The following GALNT18 variants were observed in gnomAD, a reference collection of about 807,000 sequenced individuals.
GALNT18 encodes the protein GalNAc-transferase 18.
A neutral mutation model predicts 69.5 loss-of-function variants in GALNT18; 44 were observed. The observed-to-expected ratio is 0.63, with a 90% CI of 0.50 to 0.81. The LOEUF is 0.81. GALNT18 is among the 40% of genes least tolerant of loss of function. The pLI is 0.00. For missense variants in GALNT18, 715 were observed against 810.0 expected, an observed-to-expected ratio of 0.88 and a Z score of 1.42; for synonymous variants, 364 against 318.2, an observed-to-expected ratio of 1.14 and a Z score of -1.53.
In GALNT18 at chr11:11,332,921, C is replaced by G. The variant is rs1035061669; in HGVS notation, c.1279-90G>C. 1 of 1,449,840 alleles carries G rather than the reference C, an allele frequency of 6.9e-7. No homozygotes were observed. The highest frequency in any genetic ancestry group is 1.7e-5 in the Admixed American group (1 of 58,626). The allele number at this position is 1,449,840 out of a possible 1,614,324, so 89.8% of individuals were successfully genotyped here. ...CTTTGGCATGACCTTGTGCCCCCAA[C>G]AAGATTCCTAGAGACTGGGGAAGGG... On this transcript the variant is annotated intron_variant, in intron 7 of 10. Coordinates refer to ENST00000227756, the MANE Select transcript of GALNT18 (RefSeq NM_198516.3). The surrounding 1 kb of genome is among the most constrained non-coding windows in gnomAD (Gnocchi z 4.3).
chr11:11,518,260 C>A lies in GALNT18; in HGVS notation c.236-69324G>T, dbSNP rs559191804. ...TACAGACACAAACTGCATTTCATGGCTGAAAAAGCCAGTGATGGGATAAGT... is the reference window on the plus strand; with the variant it reads ...TACAGACACAAACTGCATTTCATGGATGAAAAAGCCAGTGATGGGATAAGT... On this transcript the variant is annotated intron_variant, in intron 1 of 10. Coordinates refer to ENST00000227756, the MANE Select transcript of GALNT18 (RefSeq NM_198516.3). Among the ~76,000 whole-genome samples, 3 of 152,308 alleles carry A rather than the reference C, an allele frequency of 2.0e-5. No homozygotes were observed. In the South Asian group the frequency reaches 6.2e-4, roughly 32 times the overall value.
At chr11:11,580,865 A>C (rs1859062642) in intron 1 of GALNT18, among the ~76,000 whole-genome samples, 1 of 152,214 alleles carries the variant, frequency 6.6e-6, no homozygotes, top group Non-Finnish European at 1.5e-5. Context: ...ATCCAGGGTT[A>C]TTTCTAACCT....
At chr11:11,487,337 C>G (rs1175596002) in intron 1 of GALNT18, among the ~76,000 whole-genome samples, 1 of 152,092 alleles carries the variant, frequency 6.6e-6, no homozygotes, top group Non-Finnish European at 1.5e-5. Flanking sequence ...ATGGGTGCAC[C>G]AAAACCTCGC....
At chr11:11,589,473 A>T (rs144532013) in intron 1 of GALNT18, among the ~76,000 whole-genome samples, 53 of 152,338 alleles carry the variant, frequency 3.5e-4, no homozygotes, top group African/African-American at 1.2e-3. Flanking sequence ...AATATGAATC[A>T]AAAGGAAAAC....
intron 6 of GALNT18, among the ~76,000 whole-genome samples, chr11:11,370,244 A>C (rs1850868036): frequency 6.6e-6 from 1 of 152,240 alleles, no homozygotes; most frequent in Admixed American, 6.5e-5. Flanking sequence ...GCCTCTGCTT[A>C]AGAGAAGGGT....
chr11:11,424,248 C>A (rs1367771728), intron 3 of GALNT18, among the ~76,000 whole-genome samples: 1 of 152,156 alleles, frequency 6.6e-6, no homozygotes, highest in African/African-American at 2.4e-5. Context: ...GTCTGCCCTC[C>A]CTAAGAAGCA....
chr11:11,372,276 G>T lies in GALNT18; in HGVS notation c.1092+239C>A, dbSNP rs1243330210. Reference sequence around the variant, plus strand: ...TAAAAGAGGCTGTTCCCTTGAGTTGGCAGCTTAACCTCTCCCATGCTCCCT... The same window carrying T: ...TAAAAGAGGCTGTTCCCTTGAGTTGTCAGCTTAACCTCTCCCATGCTCCCT... On this transcript the variant is annotated intron_variant, in intron 6 of 10. Transcript: ENST00000227756. The surrounding 1 kb of genome is among the most constrained non-coding windows in gnomAD (Gnocchi z 4.9). Among the ~76,000 whole-genome samples the T allele has an allele frequency of 6.6e-6, 1 of 152,112 alleles. No homozygotes were observed. Among genetic ancestry groups the T allele is most frequent in the African/African-American group, 2.4e-5 (1 of 41,406 alleles).
chr11:11,589,679 G>A (rs11021946), intron 1 of GALNT18, among the ~76,000 whole-genome samples: 137 of 152,208 alleles, frequency 9.0e-4, no homozygotes, highest in Non-Finnish European at 1.5e-3. Context: ...CCTGGGGAGA[G>A]TGACACAGTT....
Position 11,448,730 on chromosome 11 carries a change from C to T in GALNT18, c.428+14G>A. 1 of 1,602,192 alleles carries T rather than the reference C, an allele frequency of 6.2e-7. No individual in the cohort carries two copies. Among genetic ancestry groups the T allele is most frequent in the Non-Finnish European group, 8.5e-7 (1 of 1,173,394 alleles). On this transcript the variant is annotated intron_variant, in intron 2 of 10. Coordinates refer to ENST00000227756, the MANE Select transcript of GALNT18 (RefSeq NM_198516.3). ...AGGCAGGTCGACAAGGGCCCAGTCA[C>T]TGACTCTGCTCACCCACTGGGTCTG...
intron 10 of GALNT18, among the ~76,000 whole-genome samples, chr11:11,279,547 G>A (rs911088763): frequency 1.3e-5 from 2 of 152,016 alleles, no homozygotes; most frequent in East Asian, 1.9e-4. Context: ...TATAACTCAC[G>A]GTATATTCAT....
At chr11:11,361,775 A>T (rs576249669) in intron 6 of GALNT18, among the ~76,000 whole-genome samples, 1 of 152,320 alleles carries the variant, frequency 6.6e-6, no homozygotes. Flanking sequence ...TATGAAAATT[A>T]AACAGCCATA....
chr11:11,497,767 T>TATATATAC lies in GALNT18; in HGVS notation c.236-48832_236-48831insGTATATAT, dbSNP rs754130671. ...CATATTTTCTATATATATATATATA[T>TATATATAC]ACACACACACACACATACACACAAA... On this transcript the variant is annotated intron_variant, in intron 1 of 10. Transcript: ENST00000227756. The surrounding 1 kb of genome is among the most constrained non-coding windows in gnomAD (Gnocchi z 4.2). 6.6e-3 allele frequency among the ~76,000 whole-genome samples: 952 copies of TATATATAC among 144,798 alleles called. 7 individuals are homozygous for TATATATAC. Among genetic ancestry groups the TATATATAC allele is most frequent in the African/African-American group, 0.022 (888 of 39,484 alleles). The allele number at this position is 144,798 out of a possible 152,430, so 95.0% of individuals were successfully genotyped here. A position where few individuals can be genotyped will look rare whatever the true frequency, so the allele number is the denominator to read the frequency against.
intron 9 of GALNT18, among the ~76,000 whole-genome samples, chr11:11,321,845 A>G (rs1590036239): frequency 6.6e-6 from 1 of 152,114 alleles, no homozygotes; most frequent in African/African-American, 2.4e-5. Flanking sequence ...CCTCAGGTGA[A>G]CTGCCTGCCT....
intron 5 of GALNT18, among the ~76,000 whole-genome samples, chr11:11,374,700 C>T (rs769668738): frequency 2.6e-5 from 4 of 152,170 alleles, no homozygotes; most frequent in African/African-American, 9.7e-5. Flanking sequence ...AAAGAGTTAT[C>T]GATTTACACC....
At chr11:11,393,187 G>GC (rs1213913318) in intron 3 of GALNT18, among the ~76,000 whole-genome samples, 1 of 152,158 alleles carries the variant, frequency 6.6e-6, no homozygotes, top group East Asian at 1.9e-4. Context: ...GGCCAGCACT[G>GC]CCCCCCAGGA....
At chr11:11,342,982 G>A (rs1297599008) in intron 6 of GALNT18, among the ~76,000 whole-genome samples, 1 of 152,218 alleles carries the variant, frequency 6.6e-6, no homozygotes, top group African/African-American at 2.4e-5. Context: ...AAGCTGAACA[G>A]CAGAATCTTT....
rs1051529710 is a variant in GALNT18, at chr11:11,357,554, G to A, written c.1092+14961C>T. Among the ~76,000 whole-genome samples the A allele has an allele frequency of 3.3e-5, 5 of 152,202 alleles. No individual in the cohort carries two copies. In the South Asian group the frequency reaches 6.2e-4, roughly 19 times the overall value. ...TTCCCCCCAAAGCCTTCTTATGGCT[G>A]TGTCTAATGCCTTTTCTCCACTTGC... On this transcript the variant is annotated intron_variant, in intron 6 of 10. Coordinates refer to ENST00000227756, the MANE Select transcript of GALNT18 (RefSeq NM_198516.3).
intron 6 of GALNT18, among the ~76,000 whole-genome samples, chr11:11,365,567 A>C (rs1202362010): frequency 6.6e-6 from 1 of 152,144 alleles, no homozygotes; most frequent in Non-Finnish European, 1.5e-5. Context: ...TCAAGGAATC[A>C]CCATACTGTC....
rs974508827 is a variant in GALNT18, at chr11:11,421,759, C to T, written c.595+10862G>A. 7.9e-5 allele frequency among the ~76,000 whole-genome samples: 12 copies of T among 152,056 alleles called. No individual in the cohort carries two copies. The highest frequency in any genetic ancestry group is 5.9e-4 in the Admixed American group (9 of 15,276). On this transcript the variant is annotated intron_variant, in intron 3 of 10. Transcript: ENST00000227756. This position sits in a 1 kb window ranked among gnomAD's most constrained non-coding sequence, Gnocchi z 5.6. ...CTGCAGAGTCTCTGCAGAGTCTCTG[C>T]AGAGGTCAGGACTGGCCACGCTGCT...
Sources: gnomAD v4.1 joint callset for allele counts (sites outside exome capture counted in the v4.1 genomes callset) on GRCh38, gnomAD v4.1.1 for gene constraint, Gnocchi (gnomAD v3.1) non-coding constraint, MANE v1.5 for transcripts, NCBI Gene and HGNC (gene_info 2026-07-23, HGNC 2026-07-21) for gene names.